Variants in MARK2 observed in about 807,000 individuals in gnomAD.
MARK2 encodes the protein serine/threonine-protein kinase MARK2.
MARK2 carries 16 observed loss-of-function variants against 89.8 expected under a neutral mutation model. The observed-to-expected ratio is 0.18, with a 90% CI of 0.12 to 0.27. The LOEUF (loss-of-function observed/expected upper bound fraction) is 0.27, where lower values mean the gene tolerates loss of function less well. Among genes scored for constraint, MARK2 ranks in the 10% least tolerant of loss-of-function variants. The pLI is 1.00. For synonymous variants in MARK2, 382 were observed against 399.5 expected (o/e 0.96, Z 0.52); for missense variants, 621 against 1,049.9 (o/e 0.59, Z 5.65).
intron 17 of MARK2, among the ~76,000 whole-genome samples, chr11:63,907,931 C>T (rs1257561627): frequency 6.6e-6 from 1 of 152,256 alleles, no homozygotes; most frequent in African/African-American, 2.4e-5. Flanking sequence ...CGTGCCGGGC[C>T]GTGTGCTCAG....
chr11:63,848,466 A>G (rs1326722667), intron 1 of MARK2, among the ~76,000 whole-genome samples: 3 of 150,972 alleles, frequency 2.0e-5, no homozygotes, highest in South Asian at 2.1e-4. Context: ...GCTCACTGCA[A>G]CCTCCGCTTC....
intron 1 of MARK2, among the ~76,000 whole-genome samples, chr11:63,863,112 A>G (rs1937902934): frequency 1.3e-5 from 2 of 152,282 alleles, no homozygotes; most frequent in African/African-American, 4.8e-5. Context: ...AACTCTGGAC[A>G]TCCTGCTGTG....
chr11:63,884,238 C>T (rs1939265505), intron 1 of MARK2, among the ~76,000 whole-genome samples: 2 of 152,324 alleles, frequency 1.3e-5, no homozygotes, highest in South Asian at 4.1e-4. Context: ...CCTCTAAAGC[C>T]CTGGTTGCTC....
rs1387170272 is a variant in MARK2 at position 63,898,816 on chromosome 11, C to A, written c.457C>A (p.Arg153=). 6.2e-7 allele frequency: 1 copy of A among 1,613,864 alleles called. No homozygotes were observed. Among genetic ancestry groups the A allele is most frequent in the African/African-American group, 1.3e-5 (1 of 75,032 alleles). The change falls in exon 6 of 19, where the codon CGA becomes AGA. Residue 153 remains arginine (R), a synonymous_variant. Coordinates refer to ENST00000402010, the MANE Select transcript of MARK2 (RefSeq NM_001039469.3). ...TGGCAGGATGAAAGAAAAAGAGGCTCGAGCCAAATTCCGCCAGGTAGGTGT... is the reference window on the plus strand; with the variant it reads ...TGGCAGGATGAAAGAAAAAGAGGCTAGAGCCAAATTCCGCCAGGTAGGTGT... ...AHGRMKEKEA[R]AKFRQIVSAV...
chr11:63,858,991 G>GT (rs1362065332), intron 1 of MARK2, among the ~76,000 whole-genome samples: 2 of 151,276 alleles, frequency 1.3e-5, no homozygotes, highest in Non-Finnish European at 2.9e-5. Flanking sequence ...ATTACTTTAT[G>GT]TTTTTTTATT....
intron 1 of MARK2, chr11:63,888,732 C>T (rs1163470115): frequency 2.5e-6 from 3 of 1,198,052 alleles, no homozygotes; most frequent in Non-Finnish European, 3.2e-6. Context: ...CGACACCGTC[C>T]AGGTTCCCAG....
At chr11:63,840,820 T>A (rs1171678750) in intron 1 of MARK2, among the ~76,000 whole-genome samples, 1 of 152,060 alleles carries the variant, frequency 6.6e-6, no homozygotes, top group Non-Finnish European at 1.5e-5. Flanking sequence ...TTTCTTGAGC[T>A]ACACCTCAGC....
intron 1 of MARK2, among the ~76,000 whole-genome samples, chr11:63,859,202 C>T (rs1937612625): frequency 6.6e-6 from 1 of 152,078 alleles, no homozygotes; most frequent in South Asian, 2.1e-4. Context: ...TGGTAGGCTG[C>T]AGTCACTAAG....
Position 63,905,020 on chromosome 11 carries a change from G to A in MARK2, c.1911G>A (p.Lys637=), listed in dbSNP as rs762830637. 1.9e-6 allele frequency: 3 copies of A among 1,541,944 alleles called. No individual in the cohort carries two copies. Among genetic ancestry groups the A allele is most frequent in the South Asian group, 2.2e-5 (2 of 90,276 alleles). ...RRGASGSIFS[K]FTSKFVRRNL... Reference sequence around the variant, plus strand: ...GGGCCTCTGGGAGCATCTTCAGCAAGTTCACCTCCAAGTTTGTACGCAGGT... The same window carrying A: ...GGGCCTCTGGGAGCATCTTCAGCAAATTCACCTCCAAGTTTGTACGCAGGT... Residue 637 remains lysine, a synonymous_variant, in exon 16 of 19, where the codon AAG becomes AAA. Transcript: ENST00000402010.
intron 1 of MARK2, among the ~76,000 whole-genome samples, chr11:63,858,721 A>G (rs902609133): frequency 2.0e-5 from 3 of 152,240 alleles, no homozygotes; most frequent in Non-Finnish European, 2.9e-5. Flanking sequence ...TGACGTCATC[A>G]GTAAGAGTAA....
At chr11:63,856,151 C>T (rs769031814) in intron 1 of MARK2, among the ~76,000 whole-genome samples, 144 of 152,164 alleles carry the variant, frequency 9.5e-4, no homozygotes, top group Middle Eastern at 3.4e-3. Flanking sequence ...TGCTGGTTCC[C>T]AGCCCCAGTA....
intron 1 of MARK2, among the ~76,000 whole-genome samples, chr11:63,870,129 A>G (rs1938363896): frequency 6.6e-6 from 1 of 152,188 alleles, no homozygotes; most frequent in Non-Finnish European, 1.5e-5. Context: ...GGGAAAGGAC[A>G]AGTGGAAGGG....
chr11:63,891,027 G>T (rs1939808635), intron 1 of MARK2, among the ~76,000 whole-genome samples: 1 of 152,006 alleles, frequency 6.6e-6, no homozygotes, highest in South Asian at 2.1e-4. Context: ...TCTTGACAAT[G>T]TTGATGTTAC....
chr11:63,908,135 G>A, intron 17 of MARK2, 125 bp from the exon 18 acceptor site: 1 of 781,904 alleles, frequency 1.3e-6, no homozygotes, highest in Non-Finnish European at 2.2e-6. Context: ...TGGGCAGAGG[G>A]CCCTGGGCTT....
In MARK2 at chr11:63,839,436, C is replaced by A; in HGVS notation, c.-71C>A. 2.1e-6 allele frequency: 2 copies of A among 960,204 alleles called. No individual in the cohort carries two copies. The highest frequency in any genetic ancestry group is 3.2e-6 in the Non-Finnish European group (2 of 628,066). 59.5% of individuals were successfully genotyped at this position (960,204 alleles called of 1,614,324 possible). On this transcript the variant is annotated 5_prime_UTR_variant, in exon 1 of 19. Coordinates refer to ENST00000402010, the MANE Select transcript of MARK2 (RefSeq NM_001039469.3). ...TCCTGCTGTGAGAAGCCCCGCCCGG[C>A]CGGGCTCCGCGCCTTCCCTTCCCTC... is the stretch of plus-strand genomic sequence containing the variant.
At chr11:63,840,686 A>G (rs1048678052) in intron 1 of MARK2, among the ~76,000 whole-genome samples, 3 of 151,844 alleles carry the variant, frequency 2.0e-5, no homozygotes, top group Non-Finnish European at 2.9e-5. Flanking sequence ...GTTGCCTTTC[A>G]TCTCCGCATT....
At chr11:63,845,290 G>A (rs577685679) in intron 1 of MARK2, among the ~76,000 whole-genome samples, 12 of 152,242 alleles carry the variant, frequency 7.9e-5, no homozygotes, top group African/African-American at 2.4e-4. Flanking sequence ...TGGTGGGGCC[G>A]CCAGTTTCCC....
intron 1 of MARK2, among the ~76,000 whole-genome samples, chr11:63,860,868 A>C (rs1937721964): frequency 1.3e-5 from 2 of 152,072 alleles, no homozygotes; most frequent in Non-Finnish European, 2.9e-5. Context: ...AATGAAAAAA[A>C]AAAACAAAAA....
chr11:63,847,144 T>C (rs2016327162), intron 1 of MARK2, among the ~76,000 whole-genome samples: 2 of 152,174 alleles, frequency 1.3e-5, no homozygotes, highest in African/African-American at 4.8e-5. Flanking sequence ...GGTTTGTCAG[T>C]CCCTGTGGTG....
Sources: allele counts gnomAD v4.1 joint callset (sites outside exome capture counted in the v4.1 genomes callset), GRCh38; gene constraint gnomAD v4.1.1; transcripts MANE v1.5; gene names NCBI Gene and HGNC (gene_info 2026-07-23, HGNC 2026-07-21).